DNAJC5B: variants seen among roughly 807,000 people sequenced by gnomAD.
DNAJC5B encodes the protein DnaJ heat shock protein family (Hsp40) member C5 beta.
Under a neutral mutation model 24.7 loss-of-function variants are expected in DNAJC5B, and 23 were observed. The observed-to-expected ratio is 0.93, with a 90% CI of 0.67 to 1.32. DNAJC5B has a LOEUF of 1.32. DNAJC5B is among the 40% of genes most tolerant of loss of function. DNAJC5B has a pLI of 0.00. For synonymous variants in DNAJC5B, 101 were observed against 90.1 expected (o/e 1.12, Z -0.68); for missense variants, 238 against 240.8 (o/e 0.99, Z 0.08).
chr8:66,083,133 T>A (rs1807639736), intron 5 of DNAJC5B, among the ~76,000 whole-genome samples: 1 of 147,894 alleles, frequency 6.8e-6, no homozygotes, highest in Admixed American at 6.8e-5. Context: ...TGCCTCAGCC[T>A]CCCGAGTAGA....
intron 1 of DNAJC5B, among the ~76,000 whole-genome samples, chr8:66,022,350 C>A (rs550966797): frequency 6.6e-6 from 1 of 152,320 alleles, no homozygotes; most frequent in East Asian, 1.9e-4. Context: ...CGGCAAAGAA[C>A]TGTTCTGTTT....
chr8:66,096,748 A>G (rs1162088089), intron 5 of DNAJC5B, among the ~76,000 whole-genome samples: 1 of 151,950 alleles, frequency 6.6e-6, no homozygotes, highest in Non-Finnish European at 1.5e-5. Flanking sequence ...CTCTATTTTT[A>G]TCCTTATTTT....
chr8:66,038,139 C>T (rs1486288765), intron 1 of DNAJC5B, among the ~76,000 whole-genome samples: 2 of 152,196 alleles, frequency 1.3e-5, no homozygotes, highest in African/African-American at 2.4e-5. Flanking sequence ...CATTTGGATT[C>T]CAGTTCCAGA....
chr8:66,052,339 C>T (rs564932393), intron 3 of DNAJC5B, among the ~76,000 whole-genome samples: 2 of 152,196 alleles, frequency 1.3e-5, no homozygotes, highest in South Asian at 4.1e-4. Context: ...TGGTGGAATG[C>T]TGTATTTGTA....
At chr8:66,041,072 C>T (rs955490307) in intron 1 of DNAJC5B, among the ~76,000 whole-genome samples, 2 of 152,074 alleles carry the variant, frequency 1.3e-5, no homozygotes, top group African/African-American at 4.8e-5. Context: ...ATCAAAGCAA[C>T]CACCTGTTTT....
At chr8:66,039,772 G>C (rs1467578689) in intron 1 of DNAJC5B, among the ~76,000 whole-genome samples, 2 of 152,194 alleles carry the variant, frequency 1.3e-5, no homozygotes, top group East Asian at 3.8e-4. Flanking sequence ...GCCTTACACT[G>C]TGATAAAGGG....
chr8:66,076,716 A>G lies in DNAJC5B; in HGVS notation c.176A>G (p.Glu59Gly). 6.2e-7 allele frequency: 1 copy of G among 1,614,218 alleles called. No homozygotes were observed. The highest frequency in any genetic ancestry group is 1.3e-5 in the African/African-American group (1 of 75,062). Residue 59 changes from glutamate (E) to glycine (G), a missense_variant, in exon 4 of 6, where the codon GAG (glutamate) becomes GGG (glycine). Coordinates refer to ENST00000276570, the MANE Select transcript of DNAJC5B (RefSeq NM_033105.6). The stretch of plus-strand genomic sequence containing the variant: ...AATCCAGATGATCCAGCTGCTACTG[A>G]GAAGTTTAAAGAAATCAACAACGCC... ...DKNPDDPAAT[E>G]KFKEINNAHA...
chr8:66,019,832 A>G (rs1806062958), upstream of DNAJC5B, among the ~76,000 whole-genome samples: 1 of 152,242 alleles, frequency 6.6e-6, no homozygotes, highest in Admixed American at 6.5e-5. Context: ...AACCTCTTGT[A>G]GCTAAATATT....
At chr8:66,058,739 C>A (rs1357129314) in intron 3 of DNAJC5B, among the ~76,000 whole-genome samples, 1 of 152,182 alleles carries the variant, frequency 6.6e-6, no homozygotes, top group Non-Finnish European at 1.5e-5. Flanking sequence ...CCTCTTTCAT[C>A]TGAAATTCAA....
chr8:66,054,328 A>G (rs1237283787), intron 3 of DNAJC5B, among the ~76,000 whole-genome samples: 1 of 152,186 alleles, frequency 6.6e-6, no homozygotes, highest in African/African-American at 2.4e-5. Flanking sequence ...TTGTTTTACT[A>G]TTATGGTTAA....
At chr8:66,093,468 ATT>A (rs1482558060) in intron 5 of DNAJC5B, among the ~76,000 whole-genome samples, 6 of 152,072 alleles carry the variant, frequency 3.9e-5, no homozygotes, top group Non-Finnish European at 8.8e-5. Flanking sequence ...TGTGGTTCTA[ATT>A]TTTATCTCCT....
upstream of DNAJC5B, among the ~76,000 whole-genome samples, chr8:66,020,773 A>C (rs1478123791): frequency 6.6e-6 from 1 of 151,950 alleles, no homozygotes; most frequent in African/African-American, 2.4e-5. Flanking sequence ...GAGTAGTTAG[A>C]ACTACAGGCA....
chr8:66,098,780 G>A (rs1321415231), intron 5 of DNAJC5B, among the ~76,000 whole-genome samples: 2 of 151,676 alleles, frequency 1.3e-5, no homozygotes, highest in Non-Finnish European at 2.9e-5. Context: ...TTTTTTCCAT[G>A]TTTTAATCTC....
chr8:66,097,741 G>C (rs77418433), intron 5 of DNAJC5B, among the ~76,000 whole-genome samples: 13,437 of 151,970 alleles, frequency 0.088, 1,002 homozygotes, highest in African/African-American at 0.2. Flanking sequence ...TCTTCTTTCA[G>C]TATATTGGAG....
intron 2 of DNAJC5B, among the ~76,000 whole-genome samples, chr8:66,046,278 G>A (rs1344925197): frequency 2.6e-5 from 4 of 152,080 alleles, no homozygotes; most frequent in East Asian, 1.9e-4. Flanking sequence ...CTTAGTCCAC[G>A]TGCAGGCTCA....
At chr8:66,067,941 T>C (rs1486783674) in intron 3 of DNAJC5B, among the ~76,000 whole-genome samples, 3 of 152,188 alleles carry the variant, frequency 2.0e-5, no homozygotes, top group Admixed American at 2.0e-4. Context: ...ATGTAGCTTG[T>C]TACAGAGAAA....
At chr8:66,091,406 AGGGGT>A (rs1807844043) in intron 5 of DNAJC5B, among the ~76,000 whole-genome samples, 1 of 152,070 alleles carries the variant, frequency 6.6e-6, no homozygotes. Context: ...GGAGGAGTTG[AGGGGT>A]AGGGGATTCT....
At chr8:66,046,086 C>T (rs1806717135) in intron 2 of DNAJC5B, among the ~76,000 whole-genome samples, 1 of 152,036 alleles carries the variant, frequency 6.6e-6, no homozygotes, top group Non-Finnish European at 1.5e-5. Context: ...TTCCTGTAGC[C>T]CTGAGCCACA....
chr8:66,017,632 G>C (rs140265117), upstream of DNAJC5B, among the ~76,000 whole-genome samples: 1,588 of 152,264 alleles, frequency 0.01, 24 homozygotes, highest in South Asian at 0.014. Flanking sequence ...CTAGCACTTA[G>C]TCAGTTTATA....
Sources: allele counts gnomAD v4.1 joint callset (sites outside exome capture counted in the v4.1 genomes callset), GRCh38; gene constraint gnomAD v4.1.1; transcripts MANE v1.5; gene names NCBI Gene and HGNC (gene_info 2026-07-23, HGNC 2026-07-21).